The following DEF6 variants were observed in gnomAD, a reference collection of about 807,000 sequenced individuals.
The protein encoded by DEF6 is differentially expressed in FDCP 6 homolog.
Under a neutral mutation model 80.5 loss-of-function variants are expected in DEF6, and 32 were observed. The ratio of observed to expected loss-of-function variants is 0.40; its 90% confidence interval spans 0.30 to 0.53. The LOEUF is 0.53. Among genes scored for constraint, DEF6 ranks in the 20% least tolerant of loss-of-function variants. The probability of loss-of-function intolerance (pLI) is 0.57; values close to 1 mark genes in which losing one functional copy is unlikely to be tolerated. For synonymous variants in DEF6, 300 were observed against 337.9 expected, an observed-to-expected ratio of 0.89 and a Z score of 1.23; for missense variants, 575 against 818.7, an observed-to-expected ratio of 0.70 and a Z score of 3.63.
Position 35,319,438 on chromosome 6 carries a change from C to T in DEF6, c.1216-86C>T, listed in dbSNP as rs1791561272. The T allele has an allele frequency of 9.6e-7, 1 of 1,039,762 alleles. No individual in the cohort carries two copies. Among genetic ancestry groups the T allele is most frequent in the South Asian group, 1.5e-5 (1 of 64,682 alleles). The allele number at this position is 1,039,762 out of a possible 1,614,324, so 64.4% of individuals were successfully genotyped here. On this transcript the variant is annotated intron_variant, in intron 7 of 10. Coordinates refer to ENST00000316637, the MANE Select transcript of DEF6 (RefSeq NM_022047.4). The surrounding 1 kb of genome is among the most constrained non-coding windows in gnomAD (Gnocchi z 4.5). The stretch of plus-strand genomic sequence containing the variant: ...TCCCCAGACCCTCACCCCTAGGCAG[C>T]TTAGCAACATGCCCACCCCCTCCTC...
chr6:35,306,927 A>G (rs1313535139), intron 1 of DEF6, among the ~76,000 whole-genome samples: 2 of 152,252 alleles, frequency 1.3e-5, no homozygotes, highest in African/African-American at 4.8e-5. Context: ...ACATTTGCCC[A>G]TGAGCACACA....
Position 35,297,868 on chromosome 6 carries a change from C to T in DEF6, c.12C>T (p.Arg4=), listed in dbSNP as rs1791257125. 6.2e-7 allele frequency: 1 copy of T among 1,602,990 alleles called. No homozygotes were observed. The highest frequency in any genetic ancestry group is 8.5e-7 in the Non-Finnish European group (1 of 1,175,702). Residue 4 remains arginine, a synonymous_variant, in exon 1 of 11, where the codon CGC becomes CGT. Transcript: ENST00000316637. ...CGGGCGCCTCAGCCATGGCCCTGCG[C>T]AAGGAACTGCTCAAGTCCATCTGGT... is the stretch of plus-strand genomic sequence containing the variant. MAL[R]KELLKSIWYA... is the part of the protein sequence containing the mutation.
At chr6:35,301,510 T>C (rs1253018638) in intron 1 of DEF6, among the ~76,000 whole-genome samples, 1 of 152,126 alleles carries the variant, frequency 6.6e-6, no homozygotes, top group Admixed American at 6.5e-5. Context: ...GTAGGTAAAA[T>C]TGGTCTATGA....
intron 1 of DEF6, among the ~76,000 whole-genome samples, chr6:35,302,850 A>C (rs1791333404): frequency 6.6e-6 from 1 of 152,182 alleles, no homozygotes; most frequent in Non-Finnish European, 1.5e-5. Context: ...GTAGAGATCA[A>C]GAGCAGGGCT....
intron 1 of DEF6, among the ~76,000 whole-genome samples, chr6:35,301,713 A>T (rs1791316122): frequency 6.9e-6 from 1 of 143,934 alleles, no homozygotes; most frequent in East Asian, 2.1e-4. Flanking sequence ...GGTAACTCTT[A>T]AAAGGAGCTG....
intron 1 of DEF6, among the ~76,000 whole-genome samples, chr6:35,302,493 C>A (rs141065250): frequency 7.9e-4 from 121 of 152,216 alleles, no homozygotes; most frequent in Non-Finnish European, 1.4e-3. Context: ...CCAACATGGA[C>A]CTGACACCCA....
At position 35,312,451 on chromosome 6, in the gene DEF6, C is replaced by T; in HGVS notation, c.573C>T (p.Gly191=). ...AGTTCCTGGAGCTCTTCAATTCGGG[C>T]CGCTGCCTGCGGGGCGTGGGCCGGG... ...VWQFLELFNS[G]RCLRGVGRDT... The change falls in exon 4 of 11, where the codon GGC becomes GGT. Residue 191 remains glycine (G), a synonymous_variant. Coordinates refer to ENST00000316637, the MANE Select transcript of DEF6 (RefSeq NM_022047.4). The surrounding 1 kb of genome is among the most constrained non-coding windows in gnomAD (Gnocchi z 6.6). The T allele has an allele frequency of 3.1e-6, 5 of 1,614,154 alleles. No individual in the cohort carries two copies. Among genetic ancestry groups the T allele is most frequent in the Non-Finnish European group, 4.2e-6 (5 of 1,180,046 alleles).
rs114535982 is a variant in DEF6, at chr6:35,312,185, C to A, written c.424-117C>A. On this transcript the variant is annotated intron_variant, in intron 3 of 10. Coordinates refer to ENST00000316637, the MANE Select transcript of DEF6 (RefSeq NM_022047.4). The surrounding 1 kb of genome is among the most constrained non-coding windows in gnomAD (Gnocchi z 6.6). ...ACATTCGGTCCTCTGGCCCCCTCAACGCTCTGTCCCCTGTTTCCCTCTGCC... is the reference window on the plus strand; with the variant it reads ...ACATTCGGTCCTCTGGCCCCCTCAAAGCTCTGTCCCCTGTTTCCCTCTGCC... The A allele has an allele frequency of 3.6e-6, 3 of 830,552 alleles. No homozygotes were observed. Among genetic ancestry groups the A allele is most frequent in the Non-Finnish European group, 5.7e-6 (3 of 529,634 alleles). The allele number at this position is 830,552 out of a possible 1,614,324, so 51.4% of individuals were successfully genotyped here. A position where few individuals can be genotyped will look rare whatever the true frequency, so the allele number is the denominator to read the frequency against.
rs907243483 is a variant in DEF6, at chr6:35,319,800, G to A, written c.1383-19G>A. 1 of 1,605,092 alleles carries A rather than the reference G, an allele frequency of 6.2e-7. No homozygotes were observed. Among genetic ancestry groups the A allele is most frequent in the South Asian group, 1.1e-5 (1 of 89,984 alleles). ...GTGCCTTGGCACTAGAGGCTACACAGTACACACTCACCCGGCAGACTGCTG... is the reference window on the plus strand; with the variant it reads ...GTGCCTTGGCACTAGAGGCTACACAATACACACTCACCCGGCAGACTGCTG... On this transcript the variant is annotated intron_variant, in intron 8 of 10. Coordinates refer to ENST00000316637, the MANE Select transcript of DEF6 (RefSeq NM_022047.4). This position sits in a 1 kb window ranked among gnomAD's most constrained non-coding sequence, Gnocchi z 4.5.
intron 10 of DEF6, 75 bp from the exon 11 acceptor site, chr6:35,321,112 G>T: frequency 6.4e-7 from 1 of 1,574,232 alleles, no homozygotes. Flanking sequence ...CCTCTCCTCT[G>T]AGGGCTGAGG....
At chr6:35,310,362 G>A in intron 2 of DEF6, 97 bp from the exon 3 acceptor site, 1 of 1,345,126 alleles carries the variant, frequency 7.4e-7, no homozygotes, top group Non-Finnish European at 1.0e-6. Context: ...GCCAGGTGGG[G>A]AGCAGGGGCA....
Position 35,317,696 on chromosome 6 carries a change from A to C in DEF6, c.808-195A>C, listed in dbSNP as rs185889428. 7.0e-4 allele frequency: 378 copies of C among 542,990 alleles called. 3 individuals are homozygous for C. In the East Asian group the frequency reaches 0.012, roughly 17 times the overall value. 33.6% of individuals were successfully genotyped at this position (542,990 alleles called of 1,614,324 possible). ...GGAAACGCACCCACCTAGCCTTCAA[A>C]GAGCAAAGGCTACAGAGTTGTGGGG... is the stretch of plus-strand genomic sequence containing the variant. On this transcript the variant is annotated intron_variant, in intron 5 of 10. Transcript: ENST00000316637.
At position 35,321,363 on chromosome 6, in the gene DEF6, G is replaced by A. The variant is rs1298675368; in HGVS notation, c.1849G>A (p.Ala617Thr). Residue 617 changes from alanine to threonine, a missense_variant, in exon 11 of 11, where the codon GCT becomes ACT. Physicochemically the swap from Ala to Thr is moderately conservative, Grantham distance 58 (BLOSUM62 0). Transcript: ENST00000316637. The stretch of plus-strand genomic sequence containing the variant: ...TGGTGGGGATGAGGCTCCTGCCCCG[G>A]CTTCCACCCCTCAGGAAGATAAACT... Reference protein sequence around the residue: ...LNGGDEAPAPASTPQEDKLDP... With the variant: ...LNGGDEAPAPTSTPQEDKLDP... 1 of 1,613,920 alleles carries A rather than the reference G, an allele frequency of 6.2e-7. No individual in the cohort carries two copies. The highest frequency in any genetic ancestry group is 8.5e-7 in the Non-Finnish European group (1 of 1,179,978).
chr6:35,321,135 C>G, intron 10 of DEF6, 52 bp from the exon 11 acceptor site: 5 of 1,592,074 alleles, frequency 3.1e-6, no homozygotes, highest in Non-Finnish European at 4.3e-6. Flanking sequence ...AGGCCCCTCG[C>G]CTCTCACCTT....
At chr6:35,302,998 CCT>C (rs1485255610) in intron 1 of DEF6, among the ~76,000 whole-genome samples, 2 of 152,172 alleles carry the variant, frequency 1.3e-5, no homozygotes, top group Admixed American at 6.5e-5. Flanking sequence ...GCTCACAACT[CCT>C]CTGTCACTGC....
At chr6:35,321,078 C>G (rs976931729) in intron 10 of DEF6, 104 bp downstream of exon 10, 10 of 1,547,098 alleles carry the variant, frequency 6.5e-6, no homozygotes, top group Non-Finnish European at 6.2e-6. Flanking sequence ...CCAGCAAAAG[C>G]AGGACTGGCA....
At chr6:35,308,717 TAAAATAAAATAAATA>T (rs1582229773) in intron 1 of DEF6, among the ~76,000 whole-genome samples, 6 of 98,028 alleles carry the variant, frequency 6.1e-5, no homozygotes, top group Non-Finnish European at 1.2e-4. Flanking sequence ...TAAAATAAAA[TAAAATAAAATAAATA>T]AAATAATAAA....
At chr6:35,309,946 T>C in intron 2 of DEF6, 136 bp downstream of exon 2, 3 of 1,055,542 alleles carry the variant, frequency 2.8e-6, no homozygotes, top group Non-Finnish European at 4.1e-6. Context: ...CCGTGACTGC[T>C]GTCCCATCAC....
chr6:35,305,578 A>ATGTG (rs1362161936), intron 1 of DEF6, among the ~76,000 whole-genome samples: 2 of 150,780 alleles, frequency 1.3e-5, no homozygotes, highest in Non-Finnish European at 3.0e-5. Context: ...GTGTGTGTGT[A>ATGTG]TGTGTGTGTG....
Sources: allele counts gnomAD v4.1 joint callset (sites outside exome capture counted in the v4.1 genomes callset), GRCh38; gene constraint gnomAD v4.1.1; non-coding constraint Gnocchi (gnomAD v3.1); transcripts MANE v1.5; gene names NCBI Gene and HGNC (gene_info 2026-07-23, HGNC 2026-07-21).